Variants in CASP6 observed in about 807,000 individuals in gnomAD.
The protein encoded by CASP6 is caspase 6.
CASP6 carries 20 observed loss-of-function variants against 31.8 expected under a neutral mutation model. The observed-to-expected ratio is 0.63, with a 90% CI of 0.44 to 0.91. The LOEUF (loss-of-function observed/expected upper bound fraction) is 0.91, where lower values mean the gene tolerates loss of function less well. Ranked by LOEUF, CASP6 falls within the 40% of genes least tolerant of loss-of-function variation. The pLI is 0.00. For missense variants in CASP6, 328 were observed against 361.1 expected, an observed-to-expected ratio of 0.91 and a Z score of 0.74; for synonymous variants, 130 against 127.8, an observed-to-expected ratio of 1.02 and a Z score of -0.12.
chr4:109,681,572 C>G, the CASP6 span: 235 of 390,116 alleles, frequency 6.0e-4, 5 homozygotes, highest in African/African-American at 4.5e-3. Flanking sequence ...TTGGGCCATG[C>G]AGTGTTACAG....
intron 6 of CASP6, among the ~76,000 whole-genome samples, chr4:109,690,620 T>A (rs1215506587): frequency 6.6e-6 from 1 of 152,204 alleles, no homozygotes; most frequent in East Asian, 1.9e-4. Flanking sequence ...TATAATTAAT[T>A]AGACTGTTGC....
chr4:109,687,833 T>A, downstream of CASP6: 2 of 472,096 alleles, frequency 4.2e-6, no homozygotes, highest in African/African-American at 2.0e-5. Context: ...TAGCTAAAAA[T>A]CCTTGTCAGC....
intron 3 of CASP6, among the ~76,000 whole-genome samples, chr4:109,697,173 C>A (rs1730271497): frequency 2.0e-5 from 3 of 151,926 alleles, no homozygotes; most frequent in Admixed American, 1.3e-4. Context: ...TTAGTGTTGA[C>A]AAGTTATGAT....
intron 6 of CASP6, 91 bp downstream of exon 6, chr4:109,690,759 C>T: frequency 7.3e-7 from 1 of 1,364,188 alleles, no homozygotes; most frequent in Non-Finnish European, 9.9e-7. Flanking sequence ...CATGTCCCAA[C>T]CGAAAGATCT....
chr4:109,694,737 TATG>T (rs1164154469), intron 4 of CASP6, 37 bp from the exon 5 acceptor site: 6 of 1,450,102 alleles, frequency 4.1e-6, no homozygotes, highest in African/African-American at 1.5e-5. Flanking sequence ...GAAATGAAAA[TATG>T]ATGCTTGTTA....
chr4:109,683,787 A>G (rs1729769876), downstream of CASP6, among the ~76,000 whole-genome samples: 2 of 152,226 alleles, frequency 1.3e-5, no homozygotes, highest in Admixed American at 6.5e-5. Flanking sequence ...GTATGCAGGT[A>G]TATATTCAGA....
At chr4:109,669,667 CT>C in the CASP6 span, among the ~76,000 whole-genome samples, 4 of 150,194 alleles carry the variant, frequency 2.7e-5, no homozygotes, top group Non-Finnish European at 4.4e-5. Flanking sequence ...CATTTTGTGG[CT>C]GTCCTAAAGT....
upstream of CASP6, among the ~76,000 whole-genome samples, chr4:109,706,137 A>T (rs1234286364): frequency 2.5e-5 from 1 of 40,356 alleles, no homozygotes; most frequent in African/African-American, 1.5e-4. Flanking sequence ...CATTTTATAT[A>T]TATATATATA....
chr4:109,703,413 C>A lies in CASP6; in HGVS notation c.-18G>T, dbSNP rs770210612. The A allele has an allele frequency of 7.4e-6, 12 of 1,610,972 alleles. No homozygotes were observed. Among genetic ancestry groups the A allele is most frequent in the Admixed American group, 1.7e-5 (1 of 59,778 alleles). The stretch of plus-strand genomic sequence containing the variant: ...GAGCTCATTGCAGCCAAACGCGCAG[C>A]CAGACACCTTGCCCTCCTCTTCCTG... On this transcript the variant is annotated 5_prime_UTR_variant, in exon 1 of 7. Transcript: ENST00000265164.
At chr4:109,700,332 A>G (rs1378978615) in intron 1 of CASP6, among the ~76,000 whole-genome samples, 1 of 152,206 alleles carries the variant, frequency 6.6e-6, no homozygotes, top group African/African-American at 2.4e-5. Flanking sequence ...ATGGCTAACT[A>G]GTATTAAGTA....
chr4:109,669,414 T>C, the CASP6 span, among the ~76,000 whole-genome samples: 1 of 152,068 alleles, frequency 6.6e-6, no homozygotes. Flanking sequence ...TAGCTAAGGG[T>C]TCCCCCCTTC....
chr4:109,709,176 T>G, the CASP6 span, among the ~76,000 whole-genome samples: 2 of 152,206 alleles, frequency 1.3e-5, no homozygotes, highest in Admixed American at 1.3e-4. Context: ...CAAGCTGTGG[T>G]CTATGAACCA....
At chr4:109,684,163 C>T (rs1163212510), downstream of CASP6, among the ~76,000 whole-genome samples, 1 of 151,288 alleles carries the variant, frequency 6.6e-6, no homozygotes, top group Non-Finnish European at 1.5e-5. Context: ...CCTGGGTTCA[C>T]GCCATTCTTC....
intron 1 of CASP6, among the ~76,000 whole-genome samples, chr4:109,698,586 T>C (rs1237373175): frequency 6.6e-6 from 1 of 152,172 alleles, no homozygotes; most frequent in Non-Finnish European, 1.5e-5. Flanking sequence ...TAAACAGAAA[T>C]GGAGAAAATA....
At chr4:109,677,890 TAATAGTGGAGAG>T in the CASP6 span, among the ~76,000 whole-genome samples, 271 of 143,374 alleles carry the variant, frequency 1.9e-3, no homozygotes, top group African/African-American at 6.9e-3. Context: ...GGTCATAGGA[TAATAGTGGAGAG>T]AAGGTCAGCA....
At chr4:109,684,588 A>T (rs13846), downstream of CASP6, 458,283 of 1,598,636 alleles carry the variant, frequency 0.29, 68,412 homozygotes, top group South Asian at 0.38. Context: ...CCAGTTACAT[A>T]CTTCATCACA....
At chr4:109,680,106 G>T in the CASP6 span, among the ~76,000 whole-genome samples, 1 of 151,980 alleles carries the variant, frequency 6.6e-6, no homozygotes, top group Non-Finnish European at 1.5e-5. Context: ...CTGGCCTGAG[G>T]GTATAAATTT....
the CASP6 span, chr4:109,682,663 AAG>A: frequency 1.3e-5 from 21 of 1,613,302 alleles, no homozygotes; most frequent in Admixed American, 2.3e-4. Context: ...TTGCATTTAG[AAG>A]AGTCTCAGAA....
At chr4:109,706,168 T>TATATACATAC (rs1438834395), upstream of CASP6, among the ~76,000 whole-genome samples, 7 of 92,488 alleles carry the variant, frequency 7.6e-5, no homozygotes, top group African/African-American at 4.3e-4. Flanking sequence ...TATATATATA[T>TATATACATAC]ATACACACAC....
Sources: gnomAD v4.1 joint callset for allele counts (sites outside exome capture counted in the v4.1 genomes callset) on GRCh38, gnomAD v4.1.1 for gene constraint, MANE v1.5 for transcripts, NCBI Gene and HGNC (gene_info 2026-07-23, HGNC 2026-07-21) for gene names.